AFF2: variants seen among roughly 807,000 people sequenced by gnomAD.
AFF2 encodes the protein ALF transcription elongation factor 2.
Under a neutral mutation model 76.9 loss-of-function variants are expected in AFF2, and 14 were observed. That is an observed-to-expected ratio of 0.18 (90% CI 0.12 to 0.28). The LOEUF is 0.28. AFF2 is among the 10% of genes least tolerant of loss of function. The probability of loss-of-function intolerance (pLI) is 1.00; values close to 1 mark genes in which losing one functional copy is unlikely to be tolerated. For missense variants in AFF2, 868 were observed against 1,001.1 expected (o/e 0.87, Z 1.79); for synonymous variants, 398 against 366.7 (o/e 1.09, Z -0.98).
At chrX:148,916,338 G>T (rs374699581) in intron 9 of AFF2, among the ~76,000 whole-genome samples, 5 of 104,888 alleles carry the variant, frequency 4.8e-5, no homozygotes, top group Non-Finnish European at 9.7e-5. Context: ...GCCTCCCGAG[G>T]AGCTGGGACT....
intron 4 of AFF2, among the ~76,000 whole-genome samples, chrX:148,814,808 G>A (rs1202274675): frequency 5.4e-5 from 6 of 110,901 alleles, no homozygotes; most frequent in African/African-American, 1.6e-4. Flanking sequence ...TTTTTAACAG[G>A]GAAATAAATG....
At chrX:148,501,882 GT>G (rs1323943033) in intron 1 of AFF2, among the ~76,000 whole-genome samples, 1 of 112,132 alleles carries the variant, frequency 8.9e-6, no homozygotes, top group African/African-American at 3.2e-5. Flanking sequence ...GGCAGCCGTA[GT>G]TTTTTGTAAG....
At chrX:148,688,463 A>G (rs782308410) in intron 3 of AFF2, among the ~76,000 whole-genome samples, 1 of 111,155 alleles carries the variant, frequency 9.0e-6, no homozygotes, top group Admixed American at 9.6e-5. Context: ...TGTAGTCCTT[A>G]CGCCACTGAA....
At chrX:148,836,330 G>T (rs911159716) in intron 4 of AFF2, among the ~76,000 whole-genome samples, 1 of 111,904 alleles carries the variant, frequency 8.9e-6, no homozygotes, top group East Asian at 2.8e-4. Flanking sequence ...CACTGTGAAT[G>T]AATCTGTGAA....
intron 3 of AFF2, among the ~76,000 whole-genome samples, chrX:148,807,532 TCCCAA>T (rs1170999483): frequency 2.7e-5 from 3 of 112,136 alleles, no homozygotes; most frequent in Non-Finnish European, 5.6e-5. Context: ...CAGGACTCCT[TCCCAA>T]CCCTTTTGAC....
chrX:148,647,321 A>G (rs2054153762), intron 1 of AFF2, among the ~76,000 whole-genome samples: 1 of 112,611 alleles, frequency 8.9e-6, no homozygotes, highest in Non-Finnish European at 1.9e-5. Flanking sequence ...GCAGTATTTT[A>G]AAACAAATTT....
chrX:148,874,164 C>T (rs2071009638), intron 7 of AFF2, among the ~76,000 whole-genome samples: 1 of 111,475 alleles, frequency 9.0e-6, no homozygotes, highest in Non-Finnish European at 1.9e-5. Flanking sequence ...TGTTCATCCA[C>T]TATATGTAAA....
chrX:148,680,514 C>T (rs1175113717), intron 3 of AFF2, among the ~76,000 whole-genome samples: 3 of 110,392 alleles, frequency 2.7e-5, no homozygotes, highest in South Asian at 3.9e-4. Flanking sequence ...AGCGTGGTTT[C>T]GGTAGGTAAC....
intron 3 of AFF2, among the ~76,000 whole-genome samples, chrX:148,729,721 A>G (rs1360839258): frequency 1.8e-5 from 2 of 112,026 alleles, no homozygotes; most frequent in Admixed American, 1.9e-4. Context: ...ACAATTATCC[A>G]GTGAATTTAA....
intron 8 of AFF2, among the ~76,000 whole-genome samples, chrX:148,887,247 C>G (rs1263651896): frequency 8.9e-6 from 1 of 112,741 alleles, no homozygotes; most frequent in African/African-American, 3.2e-5. Context: ...TTACTGGATG[C>G]AAGCTGTCTC....
intron 15 of AFF2, among the ~76,000 whole-genome samples, chrX:148,970,931 A>C: frequency 9.0e-6 from 1 of 111,594 alleles, no homozygotes; most frequent in East Asian, 2.8e-4. Context: ...ATAGGACACT[A>C]CAATGAGCAG....
chrX:148,576,506 G>T (rs1018709399), intron 1 of AFF2, among the ~76,000 whole-genome samples: 2 of 111,396 alleles, frequency 1.8e-5, no homozygotes, highest in Non-Finnish European at 3.8e-5. Context: ...ATTTAGACTT[G>T]GTCATGCAGT....
In AFF2 at chrX:148,705,334, CAT is replaced by C. The variant is rs2054869426; in HGVS notation, c.1041+42568_1041+42569del. Among the ~76,000 whole-genome samples, 3 of 112,228 alleles carry C rather than the reference CAT, an allele frequency of 2.7e-5. No homozygotes were observed. In the East Asian group the frequency reaches 8.4e-4, roughly 32 times the overall value. On this transcript the variant is annotated intron_variant, in intron 3 of 20. Transcript: ENST00000370460. ...AGTCAAGGTGCCACAGTCAAGACCT[CAT>C]AGCAGAAGCAGTACACTTCTTAGTG...
intron 3 of AFF2, among the ~76,000 whole-genome samples, chrX:148,673,626 A>G (rs781871208): frequency 8.9e-6 from 1 of 112,133 alleles, no homozygotes; most frequent in Non-Finnish European, 1.9e-5. Flanking sequence ...TACTGAGTGG[A>G]CATGAATTTT....
At chrX:148,836,538 A>C (rs1483590251) in intron 4 of AFF2, among the ~76,000 whole-genome samples, 1 of 111,377 alleles carries the variant, frequency 9.0e-6, no homozygotes, top group East Asian at 2.8e-4. Context: ...GACTTTCATA[A>C]ATTTTGATCC....
At chrX:148,730,043 T>G in intron 3 of AFF2, among the ~76,000 whole-genome samples, 1 of 111,886 alleles carries the variant, frequency 8.9e-6, no homozygotes, top group Non-Finnish European at 1.9e-5. Flanking sequence ...TTTCTAATAC[T>G]TCTACTAATG....
intron 8 of AFF2, among the ~76,000 whole-genome samples, chrX:148,899,067 T>A (rs782149111): frequency 1.1e-4 from 12 of 111,793 alleles, no homozygotes; most frequent in Non-Finnish European, 1.9e-4. Flanking sequence ...AGTGTTTTCC[T>A]GAAGATTATA....
intron 1 of AFF2, among the ~76,000 whole-genome samples, chrX:148,595,818 C>G (rs782514797): frequency 8.9e-6 from 1 of 111,898 alleles, no homozygotes; most frequent in Non-Finnish European, 1.9e-5. Flanking sequence ...AGAAGGTCAA[C>G]TAAATGCTCA....
At chrX:148,821,414 C>A (rs1299394627) in intron 4 of AFF2, among the ~76,000 whole-genome samples, 1 of 110,942 alleles carries the variant, frequency 9.0e-6, no homozygotes, top group African/African-American at 3.3e-5. Flanking sequence ...GGATAAACTT[C>A]CAAACCCAGA....
Sources: gnomAD v4.1 joint callset for allele counts (sites outside exome capture counted in the v4.1 genomes callset) on GRCh38, gnomAD v4.1.1 for gene constraint, MANE v1.5 for transcripts, NCBI Gene and HGNC (gene_info 2026-07-23, HGNC 2026-07-21) for gene names.